Variants in YES1 observed in about 807,000 individuals in gnomAD.
YES1 encodes the protein YES proto-oncogene 1, Src family tyrosine kinase.
Under a neutral mutation model 70.4 loss-of-function variants are expected in YES1, and 39 were observed. That is an observed-to-expected ratio of 0.55 (90% confidence interval 0.43 to 0.72). YES1 has a LOEUF of 0.72. Among genes scored for constraint, YES1 ranks in the 30% least tolerant of loss-of-function variants. The probability of loss-of-function intolerance (pLI) is 0.00; values close to 1 mark genes in which losing one functional copy is unlikely to be tolerated. For synonymous variants in YES1, 198 were observed against 218.6 expected, an observed-to-expected ratio of 0.91 and a Z score of 0.83; for missense variants, 495 against 644.8, an observed-to-expected ratio of 0.77 and a Z score of 2.52.
intron 1 of YES1, among the ~76,000 whole-genome samples, chr18:761,153 T>A (rs902929704): frequency 2.7e-5 from 4 of 150,826 alleles, no homozygotes; most frequent in African/African-American, 9.8e-5. Flanking sequence ...TCAATATATA[T>A]CCACAAAATA....
chr18:774,556 C>T (rs1031840642), intron 1 of YES1, among the ~76,000 whole-genome samples: 2 of 152,164 alleles, frequency 1.3e-5, no homozygotes, highest in Admixed American at 6.5e-5. Context: ...TGAAGTCACC[C>T]TTATTACCTA....
chr18:734,276 C>T (rs2080125535), intron 10 of YES1, among the ~76,000 whole-genome samples: 1 of 146,516 alleles, frequency 6.8e-6, no homozygotes, highest in Non-Finnish European at 1.5e-5. Flanking sequence ...AAAACTTGGC[C>T]AGGCGCGGTG....
rs550938269 is a variant in YES1, at chr18:790,201, T to C, written c.-9+21913A>G. 5.9e-5 allele frequency among the ~76,000 whole-genome samples: 9 copies of C among 151,730 alleles called. No homozygotes were observed. The South Asian group carries it at 1.9e-3, about 32-fold the overall frequency. ...GATGAGCCTGGCCAACATGGTGAAA[T>C]CCTGTCTCTACTAAAAATACAAAAA... is the stretch of plus-strand genomic sequence containing the variant. On this transcript the variant is annotated intron_variant, in intron 1 of 11. Coordinates refer to ENST00000314574, the MANE Select transcript of YES1 (RefSeq NM_005433.4).
intron 11 of YES1, 82 bp downstream of exon 11, chr18:732,752 T>TC: frequency 6.3e-7 from 1 of 1,577,786 alleles, no homozygotes; most frequent in Non-Finnish European, 8.7e-7. Flanking sequence ...AAAGGCCTTT[T>TC]CCCCGCTTAC....
chr18:727,276 A>G (rs187329722), intron 11 of YES1, among the ~76,000 whole-genome samples: 69 of 152,292 alleles, frequency 4.5e-4, no homozygotes, highest in Non-Finnish European at 7.2e-4. Context: ...GTCTACTGCT[A>G]TCTAGGCTTT....
At chr18:779,434 TATAGA>T in intron 1 of YES1, among the ~76,000 whole-genome samples, 1 of 151,282 alleles carries the variant, frequency 6.6e-6, no homozygotes, top group Non-Finnish European at 1.5e-5. Flanking sequence ...GAAAGAAATG[TATAGA>T]ATAATTTTTT....
Position 743,259 on chromosome 18 carries a change from C to T in YES1, c.880+1G>A. ...AGAAAACAAAAATTCAGGCTTCTTACCCATCCACACTTCGCCGAAACATCC... is the reference window on the plus strand; with the variant it reads ...AGAAAACAAAAATTCAGGCTTCTTATCCATCCACACTTCGCCGAAACATCC... On this transcript the variant is annotated splice_donor_variant, in intron 7 of 11. Coordinates refer to ENST00000314574, the MANE Select transcript of YES1 (RefSeq NM_005433.4). LOFTEE classifies it high-confidence loss of function. 1 of 1,610,178 alleles carries T rather than the reference C, an allele frequency of 6.2e-7. No homozygotes were observed. The highest frequency in any genetic ancestry group is 8.5e-7 in the Non-Finnish European group (1 of 1,178,480).
At chr18:770,040 A>G (rs1036439475) in intron 1 of YES1, among the ~76,000 whole-genome samples, 1 of 151,642 alleles carries the variant, frequency 6.6e-6, no homozygotes, top group Non-Finnish European at 1.5e-5. Context: ...TGCAACTGCA[A>G]TCTCTGCCTC....
intron 3 of YES1, among the ~76,000 whole-genome samples, chr18:750,578 T>C (rs772886494): frequency 3.3e-5 from 5 of 152,170 alleles, no homozygotes; most frequent in African/African-American, 4.8e-5. Flanking sequence ...CTGTCCCAGG[T>C]TGAGAACCAT....
At chr18:806,158 T>C (rs1216820760) in intron 1 of YES1, among the ~76,000 whole-genome samples, 10 of 152,212 alleles carry the variant, frequency 6.6e-5, no homozygotes, top group Non-Finnish European at 1.3e-4. Flanking sequence ...GTAATACTGA[T>C]TGTCACTACT....
intron 1 of YES1, among the ~76,000 whole-genome samples, chr18:795,332 A>G (rs1464461803): frequency 6.6e-6 from 1 of 152,164 alleles, no homozygotes; most frequent in African/African-American, 2.4e-5. Flanking sequence ...ACGTATACAC[A>G]CATACCCAAG....
intron 2 of YES1, among the ~76,000 whole-genome samples, chr18:753,930 G>A (rs1003978773): frequency 4.6e-5 from 7 of 152,172 alleles, no homozygotes; most frequent in Admixed American, 2.0e-4. Context: ...TACTCAAGCC[G>A]AGTCCATTAC....
Position 768,963 on chromosome 18 carries a change from G to A in YES1, c.-8-12128C>T, listed in dbSNP as rs951942441. Among the ~76,000 whole-genome samples, 7 of 152,016 alleles carry A rather than the reference G, an allele frequency of 4.6e-5. No individual in the cohort carries two copies. In the East Asian group the frequency reaches 7.7e-4, roughly 17 times the overall value. ...AGTGATCCACCTGCCTCAGCCTCCCGAAGTGCTGGGATACAGGCATGAGCC... is the reference window on the plus strand; with the variant it reads ...AGTGATCCACCTGCCTCAGCCTCCCAAAGTGCTGGGATACAGGCATGAGCC... On this transcript the variant is annotated intron_variant, in intron 1 of 11. Coordinates refer to ENST00000314574, the MANE Select transcript of YES1 (RefSeq NM_005433.4).
At chr18:751,366 T>C (rs2080340246) in intron 3 of YES1, among the ~76,000 whole-genome samples, 1 of 152,152 alleles carries the variant, frequency 6.6e-6, no homozygotes, top group African/African-American at 2.4e-5. Flanking sequence ...ACAAGATCTT[T>C]ACACCATCTG....
intron 10 of YES1, 129 bp downstream of exon 10, chr18:736,679 G>A: frequency 1.6e-6 from 2 of 1,228,580 alleles, no homozygotes; most frequent in Non-Finnish European, 2.2e-6. Flanking sequence ...TTTTATGAAT[G>A]AAATCAATGT....
chr18:777,701 G>C (rs1598928661), intron 1 of YES1, among the ~76,000 whole-genome samples: 1 of 151,880 alleles, frequency 6.6e-6, no homozygotes, highest in East Asian at 1.9e-4. Flanking sequence ...CAGCTACTTG[G>C]GAGGCTGAGG....
chr18:799,426 G>A (rs1906705952), intron 1 of YES1, among the ~76,000 whole-genome samples: 2 of 152,198 alleles, frequency 1.3e-5, no homozygotes, highest in African/African-American at 4.8e-5. Context: ...GTATGGTTGT[G>A]AGGCTGGGCA....
intron 1 of YES1, among the ~76,000 whole-genome samples, chr18:780,612 G>A (rs1028605836): frequency 2.6e-5 from 4 of 152,132 alleles, no homozygotes; most frequent in Non-Finnish European, 5.9e-5. Context: ...CCAGTTTCAA[G>A]TATTCTGAAA....
chr18:810,460 A>G (rs1907316411), intron 1 of YES1, among the ~76,000 whole-genome samples: 1 of 152,228 alleles, frequency 6.6e-6, no homozygotes, highest in South Asian at 2.1e-4. Context: ...TTTCACTTTC[A>G]GATGAACAGA....
Sources: gnomAD v4.1 joint callset for allele counts (sites outside exome capture counted in the v4.1 genomes callset) on GRCh38, gnomAD v4.1.1 for gene constraint, MANE v1.5 for transcripts, NCBI Gene and HGNC (gene_info 2026-07-23, HGNC 2026-07-21) for gene names.